SUN5: variants seen among roughly 807,000 people sequenced by gnomAD.
SUN5 encodes SUN domain-containing protein 5.
Under a neutral mutation model 53.7 loss-of-function variants are expected in SUN5, and 44 were observed. The ratio of observed to expected loss-of-function variants is 0.82; its 90% confidence interval spans 0.64 to 1.05. The LOEUF (loss-of-function observed/expected upper bound fraction) is 1.05. Ranked by LOEUF, SUN5 falls within the 50% of genes least tolerant of loss-of-function variation. The probability of loss-of-function intolerance (pLI) is 0.00; values close to 1 mark genes in which losing one functional copy is unlikely to be tolerated. For synonymous variants in SUN5, 166 were observed against 179.8 expected (o/e 0.92, Z 0.62); for missense variants, 433 against 483.8 (o/e 0.90, Z 0.98).
At chr20:33,001,522 C>CTT (rs759010131) in intron 3 of SUN5, among the ~76,000 whole-genome samples, 1 of 113,316 alleles carries the variant, frequency 8.8e-6, no homozygotes, top group South Asian at 2.9e-4. Flanking sequence ...TTTCTTTCTT[C>CTT]TTTCTTTCTT....
At position 32,983,927 on chromosome 20, in the gene SUN5, C is replaced by A. The variant is rs145971802; in HGVS notation, c.1007G>T (p.Ser336Ile). 2 of 1,590,516 alleles carry A rather than the reference C, an allele frequency of 1.3e-6. No individual in the cohort carries two copies. The highest frequency in any genetic ancestry group is 1.7e-6 in the Non-Finnish European group (2 of 1,168,120). The change falls in exon 13 of 13, where the codon AGT (serine) becomes ATT (isoleucine). Residue 336 changes from serine (S) to isoleucine (I), a missense_variant. Physicochemically the swap from Ser to Ile is moderately radical, Grantham distance 142 (BLOSUM62 -2). Transcript: ENST00000356173. ...PLQNQPARAF[S>I]AVKVKISSNW... Reference sequence around the variant, plus strand: ...GCTTGAGATCTTCACCTTGACCGCACTGAAAGCCCGGGCCGGCTGGTTCTG... The same window carrying A: ...GCTTGAGATCTTCACCTTGACCGCAATGAAAGCCCGGGCCGGCTGGTTCTG...
chr20:32,989,505 A>C (rs1209951853), intron 9 of SUN5, 115 bp downstream of exon 9: 2 of 793,864 alleles, frequency 2.5e-6, no homozygotes, highest in Non-Finnish European at 4.0e-6. Flanking sequence ...AGCTTGGAAC[A>C]GAGGATGAAC....
Position 32,989,710 on chromosome 20 carries a change from G to GA in SUN5, c.535-13dup. On this transcript the variant is annotated splice_polypyrimidine_tract_variant and intron_variant, in intron 8 of 12. Transcript: ENST00000356173. ...TGGGCCATTTTTTGCTGAAAAGGCA[G>GA]AAAACACAAGTTGTGCCCTGGTGTG... The GA allele has an allele frequency of 6.2e-7, 1 of 1,612,090 alleles. No individual in the cohort carries two copies. Among genetic ancestry groups the GA allele is most frequent in the South Asian group, 1.1e-5 (1 of 91,014 alleles).
At chr20:33,000,282 G>A in intron 4 of SUN5, 147 bp from the exon 5 acceptor site, 4 of 1,002,606 alleles carry the variant, frequency 4.0e-6, no homozygotes, top group East Asian at 2.6e-5. Context: ...TCAGGATTCA[G>A]CTCAAATGTC....
At chr20:32,988,383 C>T (rs973501263) in intron 9 of SUN5, among the ~76,000 whole-genome samples, 13 of 152,230 alleles carry the variant, frequency 8.5e-5, no homozygotes, top group Admixed American at 6.5e-4. Flanking sequence ...GGGCAGCCTG[C>T]GGCCCATACT....
intron 3 of SUN5, 103 bp from the exon 4 acceptor site, chr20:33,001,381 G>T: frequency 7.4e-7 from 1 of 1,348,898 alleles, no homozygotes; most frequent in Non-Finnish European, 1.0e-6. Flanking sequence ...CTGGAGCTGG[G>T]AGACCCTCTC....
chr20:32,985,523 A>G (rs914054216), intron 11 of SUN5, among the ~76,000 whole-genome samples: 1 of 152,014 alleles, frequency 6.6e-6, no homozygotes, highest in Non-Finnish European at 1.5e-5. Flanking sequence ...TCGGCTCTGA[A>G]AAGCTTGGTT....
intron 6 of SUN5, among the ~76,000 whole-genome samples, chr20:32,997,324 A>G (rs1447865537): frequency 6.6e-6 from 1 of 152,228 alleles, no homozygotes; most frequent in Non-Finnish European, 1.5e-5. Flanking sequence ...CCTTAAGTAC[A>G]GAAATGTGTT....
chr20:32,984,070 A>C, intron 12 of SUN5, 121 bp from the exon 13 acceptor site: 1 of 1,285,144 alleles, frequency 7.8e-7, no homozygotes, highest in Non-Finnish European at 1.0e-6. Context: ...CCCAGACAGG[A>C]GGATGGACTG....
intron 5 of SUN5, among the ~76,000 whole-genome samples, 161 bp from the exon 6 acceptor site, chr20:32,997,848 C>G (rs955650722): frequency 6.6e-6 from 1 of 152,168 alleles, no homozygotes; most frequent in African/African-American, 2.4e-5. Context: ...GTTCCCTCCT[C>G]TGTAAAATAA....
At chr20:32,992,514 G>A (rs748828381) in intron 8 of SUN5, among the ~76,000 whole-genome samples, 6 of 152,148 alleles carry the variant, frequency 3.9e-5, no homozygotes, top group Non-Finnish European at 8.8e-5. Context: ...TCTCTGGAGA[G>A]GGTAAAACAG....
At chr20:32,999,843 A>G in intron 5 of SUN5, 1 of 1,423,720 alleles carries the variant, frequency 7.0e-7, no homozygotes, top group Non-Finnish European at 9.5e-7. Context: ...AGCGGAAGTA[A>G]CAATGTTCAT....
intron 6 of SUN5, 131 bp downstream of exon 6, chr20:32,997,507 T>G: frequency 1.1e-6 from 1 of 883,796 alleles, no homozygotes; most frequent in Non-Finnish European, 1.7e-6. Flanking sequence ...AAGGGTGAGA[T>G]TTGGATCTGG....
intron 8 of SUN5, among the ~76,000 whole-genome samples, chr20:32,991,802 G>A (rs956098648): frequency 6.6e-6 from 1 of 152,162 alleles, no homozygotes; most frequent in African/African-American, 2.4e-5. Context: ...CAACTTCTAG[G>A]TAAAGTTGAT....
At chr20:32,992,943 A>G (rs2146330204) in intron 8 of SUN5, among the ~76,000 whole-genome samples, 1 of 152,356 alleles carries the variant, frequency 6.6e-6, no homozygotes, top group East Asian at 1.9e-4. Context: ...GAATTTGCAT[A>G]TATTTTTCAT....
chr20:32,995,997 T>C (rs1989836631), intron 7 of SUN5, among the ~76,000 whole-genome samples: 1 of 152,008 alleles, frequency 6.6e-6, no homozygotes, highest in Non-Finnish European at 1.5e-5. Context: ...CATCAGGTGG[T>C]GTCTTGGTTA....
rs1246232327 is a variant in SUN5 at position 32,987,791 on chromosome 20, G to A, written c.614-16C>T. On this transcript the variant is annotated splice_polypyrimidine_tract_variant and intron_variant, in intron 9 of 12. Coordinates refer to ENST00000356173, the MANE Select transcript of SUN5 (RefSeq NM_080675.4). ...ATGCTGGCCCCTGTATAGGAGAAGG[G>A]GGTCTCAGCCAAGCAGCCGGGCTTC... 1.9e-6 allele frequency: 3 copies of A among 1,604,226 alleles called. No individual in the cohort carries two copies. The highest frequency in any genetic ancestry group is 2.6e-6 in the Non-Finnish European group (3 of 1,174,732).
intron 3 of SUN5, among the ~76,000 whole-genome samples, chr20:33,002,349 G>A (rs1191718582): frequency 6.6e-6 from 1 of 152,102 alleles, no homozygotes; most frequent in Non-Finnish European, 1.5e-5. Flanking sequence ...GAGGAGGGTT[G>A]GCAGTTAACT....
In SUN5 at chr20:33,004,432, G is replaced by A; in HGVS notation, c.-92C>T. 1 of 1,438,824 alleles carries A rather than the reference G, an allele frequency of 7.0e-7. No homozygotes were observed. Among genetic ancestry groups the A allele is most frequent in the Non-Finnish European group, 9.2e-7 (1 of 1,091,098 alleles). 89.1% of individuals were successfully genotyped at this position (1,438,824 alleles called of 1,614,324 possible). ...GATGCCTCTGAATGTCCCCTGAAAA[G>A]TGCCAAGTGGAATCTGCCAGGATCA... On this transcript the variant is annotated 5_prime_UTR_variant, in exon 1 of 13. Coordinates refer to ENST00000356173, the MANE Select transcript of SUN5 (RefSeq NM_080675.4).
Sources: allele counts gnomAD v4.1 joint callset (sites outside exome capture counted in the v4.1 genomes callset), GRCh38; gene constraint gnomAD v4.1.1; transcripts MANE v1.5; gene names NCBI Gene and HGNC (gene_info 2026-07-23, HGNC 2026-07-21).